Variants in LRRC49 observed in about 807,000 individuals in gnomAD.
LRRC49 encodes the protein leucine-rich repeat-containing protein 49.
Under a neutral mutation model 83.3 loss-of-function variants are expected in LRRC49, and 50 were observed. The observed-to-expected ratio is 0.60, with a 90% confidence interval of 0.48 to 0.76. The LOEUF is 0.76. LRRC49 is among the 30% of genes least tolerant of loss of function. The probability of loss-of-function intolerance (pLI) is 0.00; values close to 1 mark genes in which losing one functional copy is unlikely to be tolerated. For synonymous variants in LRRC49, 286 were observed against 283.3 expected, an observed-to-expected ratio of 1.01 and a Z score of -0.10; for missense variants, 704 against 809.1, an observed-to-expected ratio of 0.87 and a Z score of 1.58.
chr15:71,034,877 A>G (rs1026116649), intron 14 of LRRC49, among the ~76,000 whole-genome samples: 6 of 152,134 alleles, frequency 3.9e-5, no homozygotes, highest in Non-Finnish European at 7.4e-5. Context: ...GGAACAATAC[A>G]CGCTGGGGCC....
At chr15:71,031,520 C>T (rs1376531429) in intron 14 of LRRC49, among the ~76,000 whole-genome samples, 4 of 152,220 alleles carry the variant, frequency 2.6e-5, no homozygotes, top group Non-Finnish European at 5.9e-5. Flanking sequence ...AGAGCTCGTG[C>T]ACTGTGCTGG....
chr15:70,871,097 G>A (rs534305452), intron 1 of LRRC49, among the ~76,000 whole-genome samples: 13 of 152,008 alleles, frequency 8.6e-5, no homozygotes, highest in Admixed American at 1.3e-4. Context: ...AGAGGACCCT[G>A]CGGCCTTCCG....
At chr15:70,989,945 G>A (rs934434342) in intron 11 of LRRC49, among the ~76,000 whole-genome samples, 11 of 152,114 alleles carry the variant, frequency 7.2e-5, no homozygotes, top group South Asian at 2.1e-4. Context: ...GCAGAACAGC[G>A]GATTTTTGTG....
At chr15:70,929,396 C>T (rs1193627222) in intron 7 of LRRC49, among the ~76,000 whole-genome samples, 2 of 152,140 alleles carry the variant, frequency 1.3e-5, no homozygotes, top group Non-Finnish European at 2.9e-5. Context: ...TATGTACATA[C>T]CTTAATTCAA....
chr15:71,007,709 G>GTATATATATATA (rs55946096), intron 11 of LRRC49, among the ~76,000 whole-genome samples: 57 of 137,678 alleles, frequency 4.1e-4, no homozygotes, highest in Admixed American at 1.5e-3. Flanking sequence ...TGAGAAGCAT[G>GTATATATATATA]TATATATATA....
intron 2 of LRRC49, among the ~76,000 whole-genome samples, chr15:70,886,050 G>C (rs1343963497): frequency 6.6e-6 from 1 of 151,970 alleles, no homozygotes; most frequent in African/African-American, 2.4e-5. Flanking sequence ...CCAGAGATAC[G>C]GGAATTAAAA....
intron 8 of LRRC49, among the ~76,000 whole-genome samples, chr15:70,943,807 A>T (rs144089676): frequency 6.6e-6 from 1 of 152,140 alleles, no homozygotes; most frequent in South Asian, 2.1e-4. Flanking sequence ...GTTTTTTTCT[A>T]TCTATTGGGA....
chr15:70,897,465 C>A (rs915267621), intron 3 of LRRC49, among the ~76,000 whole-genome samples: 2 of 152,102 alleles, frequency 1.3e-5, no homozygotes, highest in African/African-American at 4.8e-5. Context: ...GTGCTCCCTC[C>A]ATAGTTCCAG....
chr15:71,013,034 C>G lies in LRRC49; in HGVS notation c.1703+121C>G, dbSNP rs1017703829. The G allele has an allele frequency of 1.3e-5, 8 of 629,754 alleles. No individual in the cohort carries two copies. The African/African-American group carries it at 1.5e-4, about 12-fold the overall frequency. 39.0% of individuals were successfully genotyped at this position (629,754 alleles called of 1,614,324 possible). A position where few individuals can be genotyped will look rare whatever the true frequency, so the allele number is the denominator to read the frequency against. ...CCATAAACATGTATCCTAGACTGGC[C>G]TATTGAAAGTGTTGGGGATCTTAAG... On this transcript the variant is annotated intron_variant, in intron 14 of 15. Coordinates refer to ENST00000260382, the MANE Select transcript of LRRC49 (RefSeq NM_017691.5).
chr15:70,994,407 G>A (rs1056922383), intron 11 of LRRC49, among the ~76,000 whole-genome samples: 1 of 152,020 alleles, frequency 6.6e-6, no homozygotes, highest in Admixed American at 6.6e-5. Flanking sequence ...GGGGAAATAG[G>A]TTTCCACTGT....
chr15:71,003,295 C>T (rs1208006673), intron 11 of LRRC49, among the ~76,000 whole-genome samples: 2 of 152,132 alleles, frequency 1.3e-5, no homozygotes, highest in African/African-American at 2.4e-5. Context: ...CTTAAATTAA[C>T]CACTAAAAAT....
At chr15:70,896,306 A>G (rs1186532139) in intron 3 of LRRC49, among the ~76,000 whole-genome samples, 1 of 152,102 alleles carries the variant, frequency 6.6e-6, no homozygotes, top group East Asian at 1.9e-4. Context: ...AGAAGAAACA[A>G]TCTTTCCCTG....
chr15:70,888,889 A>G (rs1486051533), upstream of LRRC49, among the ~76,000 whole-genome samples: 1 of 152,214 alleles, frequency 6.6e-6, no homozygotes, highest in Non-Finnish European at 1.5e-5. Flanking sequence ...TCGGGGGATG[A>G]AAAGCAAAAA....
chr15:70,958,544 GA>G (rs2036483267), intron 8 of LRRC49, among the ~76,000 whole-genome samples: 2 of 152,268 alleles, frequency 1.3e-5, no homozygotes, highest in South Asian at 4.1e-4. Context: ...GGGAAGGAGA[GA>G]AAAGCCATCA....
intron 8 of LRRC49, among the ~76,000 whole-genome samples, chr15:70,962,863 G>T (rs968893475): frequency 1.3e-5 from 2 of 152,062 alleles, no homozygotes; most frequent in Non-Finnish European, 2.9e-5. Context: ...AGTATGAAAA[G>T]GAGAGGATGC....
At chr15:70,973,335 G>T (rs1337126692) in intron 9 of LRRC49, among the ~76,000 whole-genome samples, 1 of 152,146 alleles carries the variant, frequency 6.6e-6, no homozygotes, top group Non-Finnish European at 1.5e-5. Context: ...AAACATTGCT[G>T]CCTGCTCTTT....
chr15:70,917,525 G>C (rs2034832665), intron 6 of LRRC49, among the ~76,000 whole-genome samples: 1 of 152,204 alleles, frequency 6.6e-6, no homozygotes. Context: ...CATCTGCAGA[G>C]AGGAGCAACT....
chr15:70,965,112 CT>C lies in LRRC49; in HGVS notation c.921+1182del. 1.3e-5 allele frequency among the ~76,000 whole-genome samples: 2 copies of C among 152,260 alleles called. 1 individual carries two copies. The highest frequency in any genetic ancestry group is 4.1e-4 in the South Asian group (2 of 4,828). On this transcript the variant is annotated intron_variant, in intron 9 of 15. Coordinates refer to ENST00000260382, the MANE Select transcript of LRRC49 (RefSeq NM_017691.5). ...CATATTTTTGTGGTGACTCTTTACC[CT>C]TATCTCCATGTCTTTCTTAGTTAAG...
intron 8 of LRRC49, among the ~76,000 whole-genome samples, chr15:70,959,183 G>T (rs2036506844): frequency 6.6e-6 from 1 of 152,144 alleles, no homozygotes; most frequent in Non-Finnish European, 1.5e-5. Flanking sequence ...TTAGAAAAGT[G>T]ATTATTTCTT....
Sources: allele counts gnomAD v4.1 joint callset (sites outside exome capture counted in the v4.1 genomes callset), GRCh38; gene constraint gnomAD v4.1.1; transcripts MANE v1.5; gene names NCBI Gene and HGNC (gene_info 2026-07-23, HGNC 2026-07-21).